The following NBAS variants were observed in gnomAD, a reference collection of about 807,000 sequenced individuals.
The protein encoded by NBAS is NAG/BC035112 fusion.
In NBAS, 219 loss-of-function variants were observed where a neutral mutation model predicts 302.5. The observed-to-expected ratio is 0.72, with a 90% CI of 0.65 to 0.81. The LOEUF is 0.81. Ranked by LOEUF, NBAS falls within the 30% of genes least tolerant of loss-of-function variation. NBAS has a pLI of 0.00. For missense variants in NBAS, 2,932 were observed against 2,841.6 expected (o/e 1.03, Z -0.72); for synonymous variants, 1,118 against 1,021.6 (o/e 1.09, Z -1.80).
chr2:14,944,775 G>A, the NBAS span, among the ~76,000 whole-genome samples: 1 of 151,910 alleles, frequency 6.6e-6, no homozygotes, highest in Non-Finnish European at 1.5e-5. Flanking sequence ...AGAGAATCAG[G>A]CTTCCACATT....
At chr2:15,299,425 T>C (rs1236841447) in intron 40 of NBAS, among the ~76,000 whole-genome samples, 1 of 152,216 alleles carries the variant, frequency 6.6e-6, no homozygotes, top group East Asian at 1.9e-4. Context: ...AGGTAATAAA[T>C]CTATTCTGGT....
intron 40 of NBAS, among the ~76,000 whole-genome samples, chr2:15,293,333 A>C (rs1670403689): frequency 1.3e-5 from 2 of 152,342 alleles, no homozygotes; most frequent in South Asian, 4.1e-4. Context: ...GCATAAAAAA[A>C]GGCATCCAAC....
At chr2:15,318,517 T>A (rs6746672) in intron 38 of NBAS, among the ~76,000 whole-genome samples, 82,841 of 151,596 alleles carry the variant, frequency 0.55, 24,104 homozygotes, top group East Asian at 0.85. Context: ...ACGTGTAGAG[T>A]CATACATAGC....
At chr2:14,883,671 C>T in the NBAS span, among the ~76,000 whole-genome samples, 5 of 152,096 alleles carry the variant, frequency 3.3e-5, no homozygotes, top group African/African-American at 1.2e-4. Context: ...TGTCTACCCT[C>T]CTCCCCCAGA....
the NBAS span, among the ~76,000 whole-genome samples, chr2:14,836,418 C>T: frequency 6.6e-6 from 1 of 151,692 alleles, no homozygotes; most frequent in Non-Finnish European, 1.5e-5. Flanking sequence ...AGTATTTTGA[C>T]TCTCATGTAA....
intron 44 of NBAS, among the ~76,000 whole-genome samples, chr2:15,250,380 T>C (rs1668305859): frequency 6.6e-6 from 1 of 152,088 alleles, no homozygotes; most frequent in Non-Finnish European, 1.5e-5. Context: ...ATCTAGGCAA[T>C]ACCATTCAGG....
intron 48 of NBAS, among the ~76,000 whole-genome samples, chr2:15,190,729 A>T (rs1479912512): frequency 6.6e-6 from 1 of 152,174 alleles, no homozygotes; most frequent in East Asian, 1.9e-4. Context: ...GTAATATTTC[A>T]CCATCCTCAA....
the NBAS span, among the ~76,000 whole-genome samples, chr2:14,907,869 G>A: frequency 2.0e-5 from 3 of 152,150 alleles, no homozygotes; most frequent in Non-Finnish European, 4.4e-5. Flanking sequence ...CTCTGTACCC[G>A]AACCCACTTA....
the NBAS span, among the ~76,000 whole-genome samples, chr2:15,127,511 T>C: frequency 9.9e-5 from 15 of 152,130 alleles, no homozygotes; most frequent in East Asian, 2.7e-3. Context: ...TGAAAGCTAC[T>C]GAGGCCTGGC....
chr2:15,105,380 A>G, the NBAS span, among the ~76,000 whole-genome samples: 2 of 152,138 alleles, frequency 1.3e-5, no homozygotes, highest in African/African-American at 4.8e-5. Context: ...CACATTCTGC[A>G]CATGTATTCT....
chr2:15,324,345 C>G (rs1412743827), intron 38 of NBAS, among the ~76,000 whole-genome samples: 1 of 152,130 alleles, frequency 6.6e-6, no homozygotes, highest in Non-Finnish European at 1.5e-5. Context: ...GCCACACATA[C>G]CCTTCCTCTC....
chr2:14,990,618 C>T, the NBAS span, among the ~76,000 whole-genome samples: 5 of 152,112 alleles, frequency 3.3e-5, no homozygotes, highest in Admixed American at 3.3e-4. Flanking sequence ...CAGATAAAGG[C>T]ATTTTGTCAT....
the NBAS span, among the ~76,000 whole-genome samples, chr2:14,951,954 G>T: frequency 6.6e-6 from 1 of 152,206 alleles, no homozygotes; most frequent in African/African-American, 2.4e-5. Flanking sequence ...ATGGAATCCA[G>T]TTGGGTGGAA....
the NBAS span, among the ~76,000 whole-genome samples, chr2:14,986,681 C>T: frequency 1.7e-4 from 26 of 152,110 alleles, no homozygotes; most frequent in Non-Finnish European, 1.0e-4. Context: ...AGTTTATTTA[C>T]TTGAACTTTC....
rs919738185 is a variant in NBAS at position 15,426,629 on chromosome 2, A to G, written c.2423+1082T>C. 2.0e-5 allele frequency among the ~76,000 whole-genome samples: 3 copies of G among 152,206 alleles called. No homozygotes were observed. The South Asian group carries it at 6.2e-4, about 32-fold the overall frequency. On this transcript the variant is annotated intron_variant, in intron 22 of 51. Transcript: ENST00000281513. Reference sequence around the variant, plus strand: ...CTTAATTCTGTTTCTATTTTATACAATGCTATTGATATTTCACAAATACAG... The same window carrying G: ...CTTAATTCTGTTTCTATTTTATACAGTGCTATTGATATTTCACAAATACAG...
chr2:15,448,718 T>C (rs1678868628), intron 21 of NBAS, among the ~76,000 whole-genome samples: 1 of 152,232 alleles, frequency 6.6e-6, no homozygotes, highest in South Asian at 2.1e-4. Flanking sequence ...ATAATCCATG[T>C]CTTGTCGACA....
chr2:15,456,516 A>C (rs1360474483), intron 21 of NBAS, among the ~76,000 whole-genome samples: 1 of 152,234 alleles, frequency 6.6e-6, no homozygotes, highest in Non-Finnish European at 1.5e-5. Context: ...CACTGTTCTC[A>C]GTACTGCAGC....
chr2:15,168,670 C>A (rs1386619774), intron 51 of NBAS, among the ~76,000 whole-genome samples: 1 of 152,178 alleles, frequency 6.6e-6, no homozygotes, highest in Non-Finnish European at 1.5e-5. Flanking sequence ...ACTCTTGTTG[C>A]CCAGGCTAGA....
At chr2:15,488,866 G>C in intron 12 of NBAS, 28 bp downstream of exon 12, 2 of 1,612,648 alleles carry the variant, frequency 1.2e-6, no homozygotes, top group Non-Finnish European at 1.7e-6. Flanking sequence ...CCTTAAGAGA[G>C]TATCATTCTA....
Sources: gnomAD v4.1 joint callset for allele counts (sites outside exome capture counted in the v4.1 genomes callset) on GRCh38, gnomAD v4.1.1 for gene constraint, MANE v1.5 for transcripts, NCBI Gene and HGNC (gene_info 2026-07-23, HGNC 2026-07-21) for gene names.